GRID1: variants seen among roughly 807,000 people sequenced by gnomAD.
GRID1 encodes the protein glutamate receptor ionotropic, delta-1.
GRID1 carries 28 observed loss-of-function variants against 98.0 expected under a neutral mutation model. That is an observed-to-expected ratio of 0.29 (90% CI 0.21 to 0.39). The LOEUF (loss-of-function observed/expected upper bound fraction) is 0.39, where lower values mean the gene tolerates loss of function less well. Ranked by LOEUF, GRID1 falls within the 10% of genes least tolerant of loss-of-function variation. GRID1 has a pLI of 1.00. For missense variants in GRID1, 1,111 were observed against 1,340.5 expected (o/e 0.83, Z 2.67); for synonymous variants, 553 against 538.5 (o/e 1.03, Z -0.37).
chr10:86,230,867 G>C (rs1169021438), intron 2 of GRID1, among the ~76,000 whole-genome samples: 2 of 152,148 alleles, frequency 1.3e-5, no homozygotes, highest in African/African-American at 4.8e-5. Flanking sequence ...CCCAGGGCTG[G>C]CAGATGGGCT....
intron 8 of GRID1, among the ~76,000 whole-genome samples, chr10:85,797,667 T>A (rs2132748812): frequency 6.6e-6 from 1 of 150,874 alleles, no homozygotes; most frequent in South Asian, 2.1e-4. Context: ...GTCAGGCTGG[T>A]CTCTAACTCC....
intron 8 of GRID1, among the ~76,000 whole-genome samples, chr10:85,793,900 A>C (rs574885543): frequency 9.2e-5 from 14 of 152,352 alleles, no homozygotes; most frequent in Non-Finnish European, 1.9e-4. Flanking sequence ...AAAGCCCTGC[A>C]TTAAATGAAT....
chr10:86,331,989 C>T (rs563299179), intron 2 of GRID1, among the ~76,000 whole-genome samples: 3 of 152,290 alleles, frequency 2.0e-5, no homozygotes, highest in Admixed American at 6.5e-5. Context: ...AAGCAGAAAC[C>T]GACAGTCAGG....
chr10:85,973,227 A>T (rs1564639209), intron 4 of GRID1, among the ~76,000 whole-genome samples: 1 of 152,180 alleles, frequency 6.6e-6, no homozygotes, highest in East Asian at 1.9e-4. Flanking sequence ...TTTTCCCTTC[A>T]CTTTTTTTTC....
chr10:86,313,160 TG>T (rs945143540), intron 2 of GRID1, among the ~76,000 whole-genome samples: 2 of 152,046 alleles, frequency 1.3e-5, no homozygotes, highest in African/African-American at 4.8e-5. Context: ...GACTATGCAG[TG>T]GGGAAAGGGG....
At chr10:86,259,552 C>G (rs57437060) in intron 2 of GRID1, among the ~76,000 whole-genome samples, 8,983 of 152,204 alleles carry the variant, frequency 0.059, 681 homozygotes, top group African/African-American at 0.17. Context: ...TTGGGTACTG[C>G]CAACATAGGG....
chr10:86,268,363 T>C (rs1207143083), intron 2 of GRID1, among the ~76,000 whole-genome samples: 1 of 152,258 alleles, frequency 6.6e-6, no homozygotes, highest in African/African-American at 2.4e-5. Context: ...ATTTGGATAC[T>C]GGCTGCTTGT....
intron 13 of GRID1, among the ~76,000 whole-genome samples, chr10:85,628,420 G>T (rs1348866648): frequency 2.6e-5 from 4 of 152,084 alleles, no homozygotes; most frequent in Non-Finnish European, 5.9e-5. Context: ...GTATGAGTAT[G>T]TGTATTATCG....
chr10:86,095,799 T>C (rs1362346695), intron 4 of GRID1, among the ~76,000 whole-genome samples: 1 of 152,168 alleles, frequency 6.6e-6, no homozygotes, highest in East Asian at 1.9e-4. Flanking sequence ...TGGAAAACAG[T>C]GTGGAGATTC....
chr10:86,339,991 G>T (rs1329347136), intron 2 of GRID1, among the ~76,000 whole-genome samples: 1 of 152,154 alleles, frequency 6.6e-6, no homozygotes, highest in Admixed American at 6.5e-5. Context: ...GGCGGCAGTG[G>T]GGTGGGGAGC....
intron 12 of GRID1, among the ~76,000 whole-genome samples, chr10:85,687,804 A>C (rs1158245092): frequency 1.3e-5 from 2 of 152,236 alleles, no homozygotes; most frequent in Admixed American, 1.3e-4. Flanking sequence ...CACCTGGAGG[A>C]AATATGAAAT....
intron 4 of GRID1, among the ~76,000 whole-genome samples, chr10:86,099,987 G>C (rs916819058): frequency 2.0e-5 from 3 of 152,178 alleles, no homozygotes; most frequent in Non-Finnish European, 4.4e-5. Flanking sequence ...CAGGGATGCT[G>C]GTGCAGGGAA....
At chr10:86,135,910 C>T (rs1206683133) in intron 4 of GRID1, among the ~76,000 whole-genome samples, 2 of 152,252 alleles carry the variant, frequency 1.3e-5, no homozygotes, top group African/African-American at 4.8e-5. Flanking sequence ...GAACTTACAA[C>T]TAGGAAAGCC....
At chr10:86,133,626 A>C (rs145362784) in intron 4 of GRID1, among the ~76,000 whole-genome samples, 2 of 152,352 alleles carry the variant, frequency 1.3e-5, no homozygotes, top group East Asian at 3.8e-4. Flanking sequence ...ACCAAAGTAC[A>C]CACACACAAA....
At chr10:86,074,960 C>A (rs1026027684) in intron 4 of GRID1, among the ~76,000 whole-genome samples, 31 of 152,116 alleles carry the variant, frequency 2.0e-4, no homozygotes, top group Admixed American at 7.2e-4. Context: ...TGTGAATGAG[C>A]AAATCAGTGT....
intron 5 of GRID1, among the ~76,000 whole-genome samples, chr10:85,887,210 A>G (rs1841129210): frequency 6.6e-6 from 1 of 152,236 alleles, no homozygotes; most frequent in Admixed American, 6.5e-5. Flanking sequence ...AGGGCAAGGC[A>G]GACCAAGGCT....
At chr10:85,718,573 G>T (rs1232451210) in intron 12 of GRID1, among the ~76,000 whole-genome samples, 1 of 152,242 alleles carries the variant, frequency 6.6e-6, no homozygotes, top group Non-Finnish European at 1.5e-5. Context: ...CCACGTGAAA[G>T]CTGCCAAGGC....
At chr10:86,015,328 C>T (rs544651152) in intron 4 of GRID1, among the ~76,000 whole-genome samples, 1 of 152,346 alleles carries the variant, frequency 6.6e-6, no homozygotes, top group South Asian at 2.1e-4. Context: ...CCACCAAACT[C>T]CCTTTCAGTT....
intron 8 of GRID1, among the ~76,000 whole-genome samples, chr10:85,769,892 G>T (rs1842239552): frequency 6.6e-6 from 1 of 152,222 alleles, no homozygotes; most frequent in African/African-American, 2.4e-5. Context: ...CACCTCTGGG[G>T]GCAGGGCACA....
Sources: allele counts gnomAD v4.1 joint callset (sites outside exome capture counted in the v4.1 genomes callset), GRCh38; gene constraint gnomAD v4.1.1; transcripts MANE v1.5; gene names NCBI Gene and HGNC (gene_info 2026-07-23, HGNC 2026-07-21).